Variants in PAX3 observed in about 807,000 individuals in gnomAD.
The protein encoded by PAX3 is paired box protein Pax-3.
A neutral mutation model predicts 51.6 loss-of-function variants in PAX3; 14 were observed. The observed-to-expected ratio is 0.27, with a 90% CI of 0.18 to 0.42. The LOEUF is 0.42. Among genes scored for constraint, PAX3 ranks in the 10% least tolerant of loss-of-function variants. The pLI, the probability that PAX3 is intolerant of heterozygous loss-of-function variation, is 1.00. For synonymous variants in PAX3, 280 were observed against 253.4 expected (o/e 1.11, Z -1.00); for missense variants, 540 against 642.8 (o/e 0.84, Z 1.73).
chr2:222,292,516 T>C (rs944786321), intron 4 of PAX3, among the ~76,000 whole-genome samples: 2 of 152,242 alleles, frequency 1.3e-5, no homozygotes, highest in East Asian at 1.9e-4. Context: ...CTCAGTCGCC[T>C]GTACTGCGAG....
At position 222,201,386 on chromosome 2, in the gene PAX3, T is replaced by A. The variant is rs1238502671; in HGVS notation, c.*22A>T. ...CGAAGACCAGAAACAGGGCCAGTTT[T>A]AGCTCCAAGTGGACAGTTCACTTAC... On this transcript the variant is annotated 3_prime_UTR_variant, in exon 9 of 9. Coordinates refer to ENST00000392070, the MANE Select transcript of PAX3 (RefSeq NM_181458.4). 6.2e-7 allele frequency: 1 copy of A among 1,613,976 alleles called. No homozygotes were observed.
chr2:222,253,827 T>G (rs1327425051), intron 4 of PAX3, among the ~76,000 whole-genome samples: 1 of 150,366 alleles, frequency 6.7e-6, no homozygotes, highest in African/African-American at 2.4e-5. Context: ...TCCCACTAAT[T>G]TTTTTTTTAA....
At chr2:222,232,025 TGTTTGTTTCCTGTCTG>T in intron 5 of PAX3, 37 bp downstream of exon 5, 13 of 1,528,532 alleles carry the variant, frequency 8.5e-6, no homozygotes, top group Non-Finnish European at 1.1e-5. Flanking sequence ...AGAAGATGCT[TGTTTGTTTCCTGTCTG>T]GACTGAAGTA....
At chr2:222,208,925 G>A (rs1404860451) in intron 7 of PAX3, among the ~76,000 whole-genome samples, 1 of 152,124 alleles carries the variant, frequency 6.6e-6, no homozygotes, top group Non-Finnish European at 1.5e-5. Flanking sequence ...GGAAATGCAA[G>A]GCTGATTCAC....
chr2:222,246,083 G>C (rs1180886307), intron 4 of PAX3, among the ~76,000 whole-genome samples: 6 of 152,154 alleles, frequency 3.9e-5, no homozygotes, highest in Admixed American at 3.9e-4. Flanking sequence ...GGTTCACCAT[G>C]ACCACTTTTT....
In PAX3 at chr2:222,290,926, G is replaced by GA. The variant is rs1379853208; in HGVS notation, c.586+3240dup. Among the ~76,000 whole-genome samples the GA allele has an allele frequency of 6.8e-3, 972 of 142,034 alleles. 11 individuals are homozygous for GA. The highest frequency in any genetic ancestry group is 0.021 in the African/African-American group (823 of 38,902). 93.2% of individuals were successfully genotyped at this position (142,034 alleles called of 152,430 possible). On this transcript the variant is annotated intron_variant, in intron 4 of 8. Coordinates refer to ENST00000392070, the MANE Select transcript of PAX3 (RefSeq NM_181458.4). Reference sequence around the variant, plus strand: ...CTAATGTGAGCCTCAGGCAAGGGAGGAAAAAAAAAAAGAGGAGAAGAAGGG... The same window carrying GA: ...CTAATGTGAGCCTCAGGCAAGGGAGGAAAAAAAAAAAAGAGGAGAAGAAGGG...
At position 222,200,896 on chromosome 2, in the gene PAX3, C is replaced by A; in HGVS notation, c.*512G>T. ...TCCAGTGTGTAAGAGTCAAGGATTC[C>A]TCCATTCTTGCTTCATGAAATGAGC... On this transcript the variant is annotated 3_prime_UTR_variant, in exon 9 of 9. Coordinates refer to ENST00000392070, the MANE Select transcript of PAX3 (RefSeq NM_181458.4). 1 of 499,548 alleles carries A rather than the reference C, an allele frequency of 2.0e-6. No homozygotes were observed. Among genetic ancestry groups the A allele is most frequent in the Non-Finnish European group, 3.6e-6 (1 of 278,516 alleles). 30.9% of individuals were successfully genotyped at this position (499,548 alleles called of 1,614,324 possible).
At chr2:222,265,619 C>T (rs1694019327) in intron 4 of PAX3, among the ~76,000 whole-genome samples, 2 of 115,662 alleles carry the variant, frequency 1.7e-5, no homozygotes, top group Admixed American at 9.0e-5. Flanking sequence ...CGCCACTGGG[C>T]GACAGAGTGA....
intron 4 of PAX3, among the ~76,000 whole-genome samples, chr2:222,274,441 A>C (rs905018211): frequency 2.6e-5 from 4 of 151,512 alleles, no homozygotes; most frequent in Non-Finnish European, 5.9e-5. Context: ...AAAATAGTAA[A>C]TGTCTCAACG....
chr2:222,288,534 T>G (rs1363360864), intron 4 of PAX3, among the ~76,000 whole-genome samples: 1 of 152,216 alleles, frequency 6.6e-6, no homozygotes, highest in East Asian at 1.9e-4. Context: ...CTACCTACTT[T>G]TACATAAAAA....
At chr2:222,287,276 G>A (rs1223455543) in intron 4 of PAX3, 1 of 152,212 alleles carries the variant, frequency 6.6e-6, no homozygotes, top group African/African-American at 2.4e-5. Context: ...AAGAAAATAG[G>A]TATTGAAGGT....
chr2:222,254,287 A>G (rs1236731596), intron 4 of PAX3, among the ~76,000 whole-genome samples: 2 of 152,176 alleles, frequency 1.3e-5, no homozygotes, highest in Non-Finnish European at 2.9e-5. Flanking sequence ...GGTAGCTCTC[A>G]CAGTGTTTTT....
chr2:222,279,009 G>A (rs1242520031), intron 4 of PAX3, among the ~76,000 whole-genome samples: 1 of 152,182 alleles, frequency 6.6e-6, no homozygotes, highest in Non-Finnish European at 1.5e-5. Flanking sequence ...GGAGTGCAGT[G>A]GTGCGATCTT....
intron 4 of PAX3, among the ~76,000 whole-genome samples, chr2:222,288,408 G>A (rs1694911001): frequency 6.6e-6 from 1 of 152,244 alleles, no homozygotes; most frequent in Non-Finnish European, 1.5e-5. Flanking sequence ...AAATTATAGA[G>A]GATTGGAAAT....
intron 3 of PAX3, 118 bp from the exon 4 acceptor site, chr2:222,294,419 A>C (rs1574764937): frequency 1.8e-6 from 2 of 1,117,182 alleles, no homozygotes; most frequent in Non-Finnish European, 2.6e-6. Context: ...GCTGCCCTGC[A>C]CTGCTCGCGG....
intron 5 of PAX3, among the ~76,000 whole-genome samples, chr2:222,222,258 T>G (rs927969350): frequency 6.6e-6 from 1 of 152,148 alleles, no homozygotes; most frequent in Admixed American, 6.6e-5. Context: ...ATGGGTCCTG[T>G]GCTCCTGCCC....
At chr2:222,217,648 T>C (rs1451651011) in intron 7 of PAX3, among the ~76,000 whole-genome samples, 9 of 152,158 alleles carry the variant, frequency 5.9e-5, no homozygotes, top group Admixed American at 5.2e-4. Flanking sequence ...CTGTCCGTGT[T>C]ATATGATCCA....
chr2:222,294,238 A>C lies in PAX3; in HGVS notation c.515T>G (p.Leu172Trp). Residue 172 changes from leucine (L) to tryptophan (W), a missense_variant, in exon 4 of 9, where the codon TTG (leucine) becomes TGG (tryptophan). Transcript: ENST00000392070. ...GCTTTCCTCTGCCTCCTTCCTCTCCAAGTCGGCCTCCTCCTCTTCACCTTT... is the reference window on the plus strand; with the variant it reads ...GCTTTCCTCTGCCTCCTTCCTCTCCCAGTCGGCCTCCTCCTCTTCACCTTT... Reference protein sequence around the residue: ...FGKGEEEEADLERKEAEESEK... With the variant: ...FGKGEEEEADWERKEAEESEK... 1 of 1,614,054 alleles carries C rather than the reference A, an allele frequency of 6.2e-7. No individual in the cohort carries two copies. The highest frequency in any genetic ancestry group is 8.5e-7 in the Non-Finnish European group (1 of 1,180,000).
At chr2:222,202,229 G>A (rs1196808572) in intron 7 of PAX3, 39 bp from the exon 8 acceptor site, 3 of 1,391,244 alleles carry the variant, frequency 2.2e-6, no homozygotes, top group Admixed American at 1.9e-5. Flanking sequence ...TTAAAATGCA[G>A]AGAGATCCAG....
Sources: allele counts gnomAD v4.1 joint callset (sites outside exome capture counted in the v4.1 genomes callset), GRCh38; gene constraint gnomAD v4.1.1; transcripts MANE v1.5; gene names NCBI Gene and HGNC (gene_info 2026-07-23, HGNC 2026-07-21).